Variants in TRABD2B observed in about 807,000 individuals in gnomAD.
The protein encoded by TRABD2B is metalloprotease TIKI2.
In TRABD2B, 14 loss-of-function variants were observed where a neutral mutation model predicts 40.1. The ratio of observed to expected loss-of-function variants is 0.35; its 90% CI spans 0.23 to 0.55. The LOEUF is 0.55. TRABD2B is among the 20% of genes least tolerant of loss of function. The pLI is 0.90. For synonymous variants in TRABD2B, 263 were observed against 277.0 expected (o/e 0.95, Z 0.50); for missense variants, 541 against 648.6 (o/e 0.83, Z 1.80).
chr1:47,943,111 A>G (rs1645209138), intron 2 of TRABD2B, among the ~76,000 whole-genome samples: 1 of 152,198 alleles, frequency 6.6e-6, no homozygotes, highest in African/African-American at 2.4e-5. Context: ...TGGTTCCCCA[A>G]TTTAAAAAAA....
At chr1:47,918,443 G>A (rs1644858207) in intron 2 of TRABD2B, among the ~76,000 whole-genome samples, 1 of 152,212 alleles carries the variant, frequency 6.6e-6, no homozygotes. Flanking sequence ...AACAGGCTCA[G>A]AGGGACCTGT....
intron 2 of TRABD2B, among the ~76,000 whole-genome samples, chr1:47,830,515 GT>G (rs1645234509): frequency 6.6e-6 from 1 of 152,210 alleles, no homozygotes; most frequent in Non-Finnish European, 1.5e-5. Context: ...CAGGGCCTTG[GT>G]TTCCCCTCCT....
At chr1:47,965,082 C>T (rs994523383) in intron 2 of TRABD2B, among the ~76,000 whole-genome samples, 1 of 151,386 alleles carries the variant, frequency 6.6e-6, no homozygotes, top group South Asian at 2.1e-4. Flanking sequence ...TCCTCAATAG[C>T]CTTTGATTTT....
chr1:47,991,824 A>G (rs1216875853), intron 2 of TRABD2B, among the ~76,000 whole-genome samples: 1 of 152,210 alleles, frequency 6.6e-6, no homozygotes, highest in African/African-American at 2.4e-5. Context: ...GCACTAATGC[A>G]TCACAGATGT....
intron 3 of TRABD2B, among the ~76,000 whole-genome samples, chr1:47,796,933 C>A (rs189772718): frequency 6.6e-6 from 1 of 152,200 alleles, no homozygotes; most frequent in East Asian, 1.9e-4. Context: ...GGAAATGTGA[C>A]CCTCACAGGT....
rs1344348148 is a variant in TRABD2B at position 47,888,326 on chromosome 1, G to T, written c.667-86707C>A. ...CCTCTGATGGGCTGAAAATAGAGCAGGGGGCTTTCTGTTTGGAGGGAGGCC... is the reference window on the plus strand; with the variant it reads ...CCTCTGATGGGCTGAAAATAGAGCATGGGGCTTTCTGTTTGGAGGGAGGCC... On this transcript the variant is annotated intron_variant, in intron 2 of 6. Transcript: ENST00000606738. Among the ~76,000 whole-genome samples the T allele has an allele frequency of 2.0e-5, 3 of 152,180 alleles. 1 individual carries two copies. Among genetic ancestry groups the T allele is most frequent in the Admixed American group, 1.3e-4 (2 of 15,290 alleles).
chr1:47,929,304 C>T (rs369276891), intron 2 of TRABD2B, among the ~76,000 whole-genome samples: 9 of 152,294 alleles, frequency 5.9e-5, no homozygotes, highest in African/African-American at 2.2e-4. Context: ...TTGCCTCTCC[C>T]TGGTCCTCTG....
intron 2 of TRABD2B, among the ~76,000 whole-genome samples, chr1:47,838,195 T>C (rs998779806): frequency 2.0e-5 from 3 of 152,236 alleles, no homozygotes; most frequent in Non-Finnish European, 4.4e-5. Flanking sequence ...TTTCCCTTTG[T>C]CAGACACATC....
chr1:47,798,742 G>A (rs11811350), intron 3 of TRABD2B, among the ~76,000 whole-genome samples: 10 of 152,220 alleles, frequency 6.6e-5, no homozygotes, highest in Middle Eastern at 3.4e-3. Context: ...CCTGGTTCTC[G>A]TATCACTGTC....
Position 47,864,476 on chromosome 1 carries a change from A to AT in TRABD2B, c.667-62858_667-62857insA, listed in dbSNP as rs931122176. 6.3e-3 allele frequency among the ~76,000 whole-genome samples: 953 copies of AT among 152,056 alleles called. 12 individuals are homozygous for AT. The highest frequency in any genetic ancestry group is 0.021 in the African/African-American group (888 of 41,456). ...ACCTAAAACTGCTCTAAAAAAAAAA[A>AT]AGTCTTACAAAAAGGTCAATAGTGT... On this transcript the variant is annotated intron_variant, in intron 2 of 6. Transcript: ENST00000606738.
At chr1:47,890,836 A>G (rs1214243963) in intron 2 of TRABD2B, among the ~76,000 whole-genome samples, 1 of 152,234 alleles carries the variant, frequency 6.6e-6, no homozygotes, top group Non-Finnish European at 1.5e-5. Context: ...CTTCGAAAGA[A>G]ATCCTCTGTG....
At chr1:47,935,094 A>G (rs1192919089) in intron 2 of TRABD2B, among the ~76,000 whole-genome samples, 1 of 152,208 alleles carries the variant, frequency 6.6e-6, no homozygotes, top group African/African-American at 2.4e-5. Context: ...CCGCAGGTAG[A>G]CAAGTAGTCT....
chr1:47,870,297 A>G (rs941503620), intron 2 of TRABD2B, among the ~76,000 whole-genome samples: 1 of 152,142 alleles, frequency 6.6e-6, no homozygotes, highest in Non-Finnish European at 1.5e-5. Flanking sequence ...ATGACGATAA[A>G]CAACACTGTA....
chr1:47,792,768 G>A (rs1644692425), intron 4 of TRABD2B, among the ~76,000 whole-genome samples: 1 of 152,074 alleles, frequency 6.6e-6, no homozygotes, highest in Non-Finnish European at 1.5e-5. Flanking sequence ...TGGGTCCTGG[G>A]GCAGGCAGGA....
intron 6 of TRABD2B, among the ~76,000 whole-genome samples, chr1:47,773,143 G>C (rs757597879): frequency 1.3e-5 from 2 of 152,200 alleles, no homozygotes; most frequent in African/African-American, 4.8e-5. Flanking sequence ...CCACTGGCCA[G>C]GTCTCCTGAT....
intron 2 of TRABD2B, among the ~76,000 whole-genome samples, chr1:47,872,664 T>A (rs943708539): frequency 2.6e-5 from 4 of 152,164 alleles, no homozygotes; most frequent in South Asian, 2.1e-4. Flanking sequence ...GACTGAGATG[T>A]CTACTAAGAA....
chr1:47,766,339 G>A (rs925944448), intron 6 of TRABD2B, among the ~76,000 whole-genome samples: 2 of 152,146 alleles, frequency 1.3e-5, no homozygotes, highest in Non-Finnish European at 2.9e-5. Context: ...CCAGGCCCTG[G>A]CAGCCACAGG....
At chr1:47,785,489 G>C (rs1396705534) in intron 4 of TRABD2B, among the ~76,000 whole-genome samples, 1 of 152,244 alleles carries the variant, frequency 6.6e-6, no homozygotes, top group African/African-American at 2.4e-5. Context: ...AAGTGCCCCA[G>C]GTCTTCAGCT....
At chr1:47,979,464 T>C (rs1471298438) in intron 2 of TRABD2B, among the ~76,000 whole-genome samples, 1 of 151,908 alleles carries the variant, frequency 6.6e-6, no homozygotes, top group Non-Finnish European at 1.5e-5. Flanking sequence ...GCAGCAGGGG[T>C]ATGGTTTATG....
Sources: gnomAD v4.1 joint callset for allele counts (sites outside exome capture counted in the v4.1 genomes callset) on GRCh38, gnomAD v4.1.1 for gene constraint, MANE v1.5 for transcripts, NCBI Gene and HGNC (gene_info 2026-07-23, HGNC 2026-07-21) for gene names.